MSRA: variants seen among roughly 807,000 people sequenced by gnomAD.
MSRA encodes methionine sulfoxide reductase A, also known as mitochondrial peptide methionine sulfoxide reductase.
MSRA carries 54 observed loss-of-function variants against 31.3 expected under a neutral mutation model. That is an observed-to-expected ratio of 1.73 (90% CI 1.39 to 2.17). MSRA has a LOEUF of 2.17. MSRA is among the 30% of genes most tolerant of loss of function. MSRA has a pLI of 0.00. For missense variants in MSRA, 507 were observed against 300.9 expected (o/e 1.69, Z -5.07); for synonymous variants, 169 against 116.5 (o/e 1.45, Z -2.90).
At chr8:10,082,543 C>T (rs936583707) in intron 1 of MSRA, among the ~76,000 whole-genome samples, 5 of 152,164 alleles carry the variant, frequency 3.3e-5, no homozygotes, top group African/African-American at 1.2e-4. Context: ...AACATCCGTG[C>T]ACTAAGGGTC....
intron 5 of MSRA, among the ~76,000 whole-genome samples, chr8:10,325,368 A>G (rs191398928): frequency 1.2e-3 from 186 of 152,168 alleles, no homozygotes; most frequent in African/African-American, 4.2e-3. Context: ...CTATATAATA[A>G]TAATAGTAAT....
At chr8:10,265,455 C>T (rs934825905) in intron 3 of MSRA, among the ~76,000 whole-genome samples, 1 of 152,062 alleles carries the variant, frequency 6.6e-6, no homozygotes, top group African/African-American at 2.4e-5. Context: ...GCTGAAAGGG[C>T]CTTTGGAATC....
At chr8:10,095,961 T>C in intron 1 of MSRA, 1 of 1,372,590 alleles carries the variant, frequency 7.3e-7, no homozygotes, top group Non-Finnish European at 9.5e-7. Flanking sequence ...AATATTAATT[T>C]TCTACAAAAT....
intron 2 of MSRA, among the ~76,000 whole-genome samples, chr8:10,240,036 T>A (rs146313823): frequency 7.9e-5 from 12 of 152,346 alleles, no homozygotes; most frequent in Non-Finnish European, 1.6e-4. Flanking sequence ...ACTGCTGCAT[T>A]TTCCTTGCTG....
chr8:10,183,235 G>T (rs1168893061), intron 1 of MSRA, among the ~76,000 whole-genome samples: 1 of 152,180 alleles, frequency 6.6e-6, no homozygotes, highest in Non-Finnish European at 1.5e-5. Context: ...TTAGGCCATT[G>T]TCACACTAGG....
At chr8:10,349,943 G>T (rs1034422679) in intron 5 of MSRA, among the ~76,000 whole-genome samples, 1 of 152,250 alleles carries the variant, frequency 6.6e-6, no homozygotes, top group Non-Finnish European at 1.5e-5. Flanking sequence ...CCAGAGAGGT[G>T]AACCCTCGCT....
intron 3 of MSRA, among the ~76,000 whole-genome samples, chr8:10,286,656 C>T (rs1431429995): frequency 6.6e-6 from 1 of 152,246 alleles, no homozygotes; most frequent in African/African-American, 2.4e-5. Flanking sequence ...TCCCATGGCA[C>T]CTAACACTTT....
chr8:10,361,138 A>C (rs1052327887), intron 5 of MSRA, among the ~76,000 whole-genome samples: 1 of 152,238 alleles, frequency 6.6e-6, no homozygotes, highest in South Asian at 2.1e-4. Flanking sequence ...CCACCCACTG[A>C]AACATTTAAT....
chr8:10,132,067 C>T (rs1241273007), intron 1 of MSRA, among the ~76,000 whole-genome samples: 5 of 152,176 alleles, frequency 3.3e-5, no homozygotes, highest in Admixed American at 3.3e-4. Flanking sequence ...TCTTCTGTCA[C>T]AGTTCAGATA....
At chr8:10,186,772 G>A (rs565232036) in intron 1 of MSRA, among the ~76,000 whole-genome samples, 7 of 152,198 alleles carry the variant, frequency 4.6e-5, no homozygotes, top group Admixed American at 1.3e-4. Context: ...AGCTGCCTCT[G>A]CCTAACATAA....
At chr8:10,202,653 A>AG (rs1808606320) in intron 1 of MSRA, among the ~76,000 whole-genome samples, 1 of 152,164 alleles carries the variant, frequency 6.6e-6, no homozygotes, top group Non-Finnish European at 1.5e-5. Flanking sequence ...ATGGTCGTGG[A>AG]GGGGAGGTGA....
chr8:10,203,597 C>G (rs1808689125), intron 1 of MSRA, among the ~76,000 whole-genome samples: 1 of 152,192 alleles, frequency 6.6e-6, no homozygotes, highest in Non-Finnish European at 1.5e-5. Flanking sequence ...TACTGCACTG[C>G]TAGTCATATA....
intron 5 of MSRA, among the ~76,000 whole-genome samples, chr8:10,393,545 C>T (rs964241724): frequency 3.3e-5 from 5 of 152,116 alleles, no homozygotes; most frequent in African/African-American, 9.7e-5. Context: ...GTGACTGGTG[C>T]CCAGGTATTG....
At chr8:10,322,962 C>G (rs1802134958) in intron 5 of MSRA, among the ~76,000 whole-genome samples, 1 of 151,960 alleles carries the variant, frequency 6.6e-6, no homozygotes, top group Non-Finnish European at 1.5e-5. Context: ...TGGTTACACG[C>G]ACCTGTAATC....
chr8:10,152,395 C>A (rs140565817), intron 1 of MSRA, among the ~76,000 whole-genome samples: 1 of 151,946 alleles, frequency 6.6e-6, no homozygotes, highest in Non-Finnish European at 1.5e-5. Flanking sequence ...TTTTTAAGAC[C>A]GAGAGCCAGT....
At chr8:10,239,574 G>C (rs1585246294) in intron 2 of MSRA, among the ~76,000 whole-genome samples, 1 of 152,330 alleles carries the variant, frequency 6.6e-6, no homozygotes, top group East Asian at 1.9e-4. Context: ...TAGGACGATT[G>C]TACCTGGCAA....
intron 4 of MSRA, among the ~76,000 whole-genome samples, chr8:10,301,994 C>G (rs557718522): frequency 4.7e-4 from 71 of 152,274 alleles, no homozygotes; most frequent in South Asian, 1.9e-3. Flanking sequence ...CCAAAGATTC[C>G]TGATTTATGG....
At chr8:10,421,692 G>A (rs1200046499) in intron 5 of MSRA, among the ~76,000 whole-genome samples, 5 of 152,124 alleles carry the variant, frequency 3.3e-5, no homozygotes, top group Non-Finnish European at 5.9e-5. Context: ...CGGCTGGCAC[G>A]CCTTCCATAA....
chr8:10,276,086 A>G (rs1334288072), intron 3 of MSRA, among the ~76,000 whole-genome samples: 1 of 152,184 alleles, frequency 6.6e-6, no homozygotes, highest in Non-Finnish European at 1.5e-5. Context: ...CCTGGTGGTC[A>G]CTGCAGCGGT....
Sources: gnomAD v4.1 joint callset for allele counts (sites outside exome capture counted in the v4.1 genomes callset) on GRCh38, gnomAD v4.1.1 for gene constraint, MANE v1.5 for transcripts, NCBI Gene and HGNC (gene_info 2026-07-23, HGNC 2026-07-21) for gene names.